Variants in CFAP43 observed in about 807,000 individuals in gnomAD.
CFAP43 encodes cilia- and flagella-associated protein 43.
CFAP43 carries 155 observed loss-of-function variants against 218.9 expected under a neutral mutation model. The observed-to-expected ratio is 0.71, with a 90% CI of 0.62 to 0.81. The LOEUF (loss-of-function observed/expected upper bound fraction) is 0.81, where lower values mean the gene tolerates loss of function less well. CFAP43 is among the 30% of genes least tolerant of loss of function. The pLI is 0.00. For missense variants in CFAP43, 1,778 were observed against 1,954.3 expected (o/e 0.91, Z 1.70); for synonymous variants, 645 against 681.3 (o/e 0.95, Z 0.83).
chr10:104,196,256 CT>C (rs2090379040), intron 10 of CFAP43, among the ~76,000 whole-genome samples: 1 of 152,164 alleles, frequency 6.6e-6, no homozygotes, highest in African/African-American at 2.4e-5. Flanking sequence ...AAGTTCTGTA[CT>C]TTATAGTTGA....
At chr10:104,192,498 T>A (rs1589748281) in intron 11 of CFAP43, 196 bp from the exon 12 acceptor site, 7 of 528,192 alleles carry the variant, frequency 1.3e-5, no homozygotes, top group Admixed American at 3.9e-5. Flanking sequence ...CAATGATATT[T>A]CCAAATTGCA....
chr10:104,134,830 A>G, intron 34 of CFAP43, among the ~76,000 whole-genome samples: 1 of 152,180 alleles, frequency 6.6e-6, no homozygotes, highest in East Asian at 1.9e-4. Flanking sequence ...ATACTACTCA[A>G]ATGTTTCCAA....
intron 16 of CFAP43, 55 bp from the exon 17 acceptor site, chr10:104,182,568 C>G (rs1174588472): frequency 1.3e-6 from 2 of 1,483,090 alleles, no homozygotes; most frequent in Admixed American, 2.5e-5. Context: ...TTTAAAAAAT[C>G]ACATTTAGCT....
chr10:104,189,472 A>G (rs575200094), intron 12 of CFAP43, among the ~76,000 whole-genome samples: 10 of 152,172 alleles, frequency 6.6e-5, no homozygotes, highest in Non-Finnish European at 1.5e-4. Flanking sequence ...ACTGGCAAAT[A>G]TATGAGAGCC....
At chr10:104,155,405 T>C (rs2088489927) in intron 27 of CFAP43, among the ~76,000 whole-genome samples, 2 of 152,188 alleles carry the variant, frequency 1.3e-5, no homozygotes, top group Non-Finnish European at 2.9e-5. Context: ...TCTAAGTCAA[T>C]GTCTGTGTTC....
rs374973582 is a variant in CFAP43, at chr10:104,231,840, G to A, written c.65+342C>T. On this transcript the variant is annotated intron_variant, in intron 1 of 37. Coordinates refer to ENST00000357060, the MANE Select transcript of CFAP43 (RefSeq NM_025145.7). ...GCTGTCGCCAGGTGGAGGGGGAGGG[G>A]GATGTGATCAGAAGACCCGGATCAC... Among the ~76,000 whole-genome samples the A allele has an allele frequency of 6.3e-4, 96 of 152,256 alleles. 2 individuals are homozygous for A. In the South Asian group the frequency reaches 0.019, roughly 31 times the overall value.
At position 104,192,251 on chromosome 10, in the gene CFAP43, G is replaced by C. The variant is rs1293686270; in HGVS notation, c.1494C>G (p.Val498=). The C allele has an allele frequency of 6.2e-7, 1 of 1,613,104 alleles. No homozygotes were observed. Among genetic ancestry groups the C allele is most frequent in the African/African-American group, 1.3e-5 (1 of 74,996 alleles). ...TTGAGGAGTTGGCATTGATAATAAA[G>C]ACTTTTCCTTCTGCTGTTCCAACTA... ...FLLVGTAEGK[V]FIINANSSSS... The change falls in exon 12 of 38, where the codon GTC becomes GTG. Residue 498 remains valine (V), a synonymous_variant. Coordinates refer to ENST00000357060, the MANE Select transcript of CFAP43 (RefSeq NM_025145.7).
intron 17 of CFAP43, among the ~76,000 whole-genome samples, chr10:104,180,206 C>T (rs951034064): frequency 9.2e-5 from 14 of 152,206 alleles, no homozygotes; most frequent in Non-Finnish European, 1.9e-4. Flanking sequence ...GTTACTGTGA[C>T]CCAAATGTTC....
chr10:104,186,179 T>A, intron 14 of CFAP43, 56 bp from the exon 15 acceptor site: 1 of 1,399,138 alleles, frequency 7.1e-7, no homozygotes, highest in Non-Finnish European at 9.4e-7. Flanking sequence ...ACAGCACCTT[T>A]GGGTTTGCAG....
chr10:104,229,100 A>G (rs955289004), intron 2 of CFAP43, among the ~76,000 whole-genome samples: 1 of 152,220 alleles, frequency 6.6e-6, no homozygotes, highest in Non-Finnish European at 1.5e-5. Context: ...CCACCTAGAT[A>G]GTCCCCAACA....
chr10:104,217,462 C>T (rs2091046883), intron 3 of CFAP43, among the ~76,000 whole-genome samples: 2 of 151,572 alleles, frequency 1.3e-5, no homozygotes, highest in Admixed American at 6.6e-5. Context: ...ATTTTGTGTC[C>T]AGGATCAGAG....
rs2091427462 is a variant in CFAP43 at position 104,230,724 on chromosome 10, T to C, written c.185A>G (p.Gln62Arg). Residue 62 changes from glutamine to arginine, a missense_variant, in exon 2 of 38, where the codon CAG becomes CGG. Gln to Arg is a conservative substitution (Grantham distance 43). This residue lies in a region of CFAP43 where 1,553 missense variants were observed against 1,685.2 expected (regional missense o/e 0.92). Coordinates refer to ENST00000357060, the MANE Select transcript of CFAP43 (RefSeq NM_025145.7). ...GACGCCCACAATTCCATTACTACAC[T>C]GCAGTACAGTCTTTTTCTTGGTTTC... is the stretch of plus-strand genomic sequence containing the variant. ...NIETKKKTVL[Q>R]CSNGIVGVMA... The C allele has an allele frequency of 6.2e-7, 1 of 1,614,114 alleles. No individual in the cohort carries two copies. The highest frequency in any genetic ancestry group is 8.5e-7 in the Non-Finnish European group (1 of 1,180,026).
intron 20 of CFAP43, among the ~76,000 whole-genome samples, chr10:104,171,921 G>A (rs1454791284): frequency 6.6e-6 from 1 of 152,156 alleles, no homozygotes; most frequent in African/African-American, 2.4e-5. Flanking sequence ...ATATATGATG[G>A]TCATAGGAGC....
At chr10:104,219,287 C>T (rs1468021045) in intron 3 of CFAP43, among the ~76,000 whole-genome samples, 4 of 152,098 alleles carry the variant, frequency 2.6e-5, no homozygotes, top group African/African-American at 9.7e-5. Context: ...ATGCTACCTC[C>T]TAAACACCTC....
At position 104,193,864 on chromosome 10, in the gene CFAP43, A is replaced by C. The variant is rs756977539; in HGVS notation, c.1442+2T>G. Reference sequence around the variant, plus strand: ...CCGCTCCTGGAGGCAGAAAGGACTTACACGACGTGCTGCACGGACGATTCC... The same window carrying C: ...CCGCTCCTGGAGGCAGAAAGGACTTCCACGACGTGCTGCACGGACGATTCC... On this transcript the variant is annotated splice_donor_variant, in intron 11 of 37. Transcript: ENST00000357060. LOFTEE classifies it high-confidence loss of function. The C allele has an allele frequency of 3.7e-6, 6 of 1,613,772 alleles. No individual in the cohort carries two copies.
chr10:104,166,583 G>A lies in CFAP43; in HGVS notation c.2944C>T (p.Leu982=). ...SNLPNYLLGS[L]STDFGVDTSL... Reference sequence around the variant, plus strand: ...GTATCTACCCCAAAATCAGTACTCAGACTACCAAGCAGGTAATTGGGCAAA... The same window carrying A: ...GTATCTACCCCAAAATCAGTACTCAAACTACCAAGCAGGTAATTGGGCAAA... The change falls in exon 23 of 38, where the codon CTG becomes TTG. Residue 982 remains leucine (L), a synonymous_variant. Transcript: ENST00000357060. 1 of 1,614,104 alleles carries A rather than the reference G, an allele frequency of 6.2e-7. No homozygotes were observed. The highest frequency in any genetic ancestry group is 8.5e-7 in the Non-Finnish European group (1 of 1,180,012).
chr10:104,203,794 CA>C lies in CFAP43; in HGVS notation c.972del (p.Phe324LeufsTer13), dbSNP rs2090602975. 6.2e-7 allele frequency: 1 copy of C among 1,602,708 alleles called. No individual in the cohort carries two copies. The highest frequency in any genetic ancestry group is 1.7e-5 in the Admixed American group (1 of 58,466). ...CTATCTTTAATAATAAAAGAATACA[CA>C]AAGCCATCCTAGAGATGAGTGAGAT... ...EGVLASGIDG[F>X]VYSFIIKDRS... On this transcript the variant is annotated frameshift_variant, in exon 8 of 38. Coordinates refer to ENST00000357060, the MANE Select transcript of CFAP43 (RefSeq NM_025145.7). LOFTEE classifies it high-confidence loss of function.
intron 7 of CFAP43, among the ~76,000 whole-genome samples, chr10:104,205,231 A>G (rs1007639146): frequency 2.5e-4 from 38 of 151,110 alleles, no homozygotes; most frequent in East Asian, 3.9e-4. Context: ...AAAAAAAAAA[A>G]AAAAGAAAAG....
In CFAP43 at chr10:104,185,990, C is replaced by T. The variant is rs202159857; in HGVS notation, c.1994G>A (p.Arg665Gln). The change falls in exon 15 of 38, where the codon CGA (arginine) becomes CAA (glutamine). Residue 665 changes from arginine to glutamine, a missense_variant. Arg to Gln is a conservative substitution (Grantham distance 43). This residue lies in a region of CFAP43 where 1,553 missense variants were observed against 1,685.2 expected (regional missense o/e 0.92). Transcript: ENST00000357060. ...TIAKCGILCI[R>Q]DVYTLETFAW... The stretch of plus-strand genomic sequence containing the variant: ...GCAGCTTACCAAAGTATAAACGTCT[C>T]GGATACACAGAATTCCACATTTAGC... 25 of 1,611,794 alleles carry T rather than the reference C, an allele frequency of 1.6e-5. No individual in the cohort carries two copies. The East Asian group carries it at 3.1e-4, about 20-fold the overall frequency.
Sources: gnomAD v4.1 joint callset for allele counts (sites outside exome capture counted in the v4.1 genomes callset) on GRCh38, gnomAD v4.1.1 for gene constraint, gnomAD v4.1.1 regional missense constraint, MANE v1.5 for transcripts, NCBI Gene and HGNC (gene_info 2026-07-23, HGNC 2026-07-21) for gene names.